The following MATK variants were observed in gnomAD, a reference collection of about 807,000 sequenced individuals.
MATK encodes the protein megakaryocyte-associated tyrosine kinase, also known as megakaryocyte-associated tyrosine-protein kinase.
In MATK, 41 loss-of-function variants were observed where a neutral mutation model predicts 59.8. That is an observed-to-expected ratio of 0.69 (90% confidence interval 0.53 to 0.89). The LOEUF is 0.89. MATK is among the 40% of genes least tolerant of loss of function. The pLI is 0.00. For missense variants in MATK, 593 were observed against 719.6 expected, an observed-to-expected ratio of 0.82 and a Z score of 2.01; for synonymous variants, 308 against 306.1, an observed-to-expected ratio of 1.01 and a Z score of -0.06.
intron 5 of MATK, 25 bp downstream of exon 5, chr19:3,784,099 C>T: frequency 1.3e-6 from 2 of 1,594,716 alleles, no homozygotes; most frequent in South Asian, 1.1e-5. Flanking sequence ...GTCCCCTACC[C>T]CAGGCCCCTG....
chr19:3,779,290 TG>T, intron 11 of MATK, 87 bp downstream of exon 11: 1 of 1,570,150 alleles, frequency 6.4e-7, no homozygotes, highest in African/African-American at 1.3e-5. Flanking sequence ...AAAGCCTCCC[TG>T]CCCCGTGCCT....
upstream of MATK, chr19:3,789,247 AC>A (rs768495203): frequency 3.6e-5 from 28 of 769,884 alleles, no homozygotes; most frequent in Non-Finnish European, 6.1e-5. Flanking sequence ...GCAGCGGAAA[AC>A]CCAGCCGCCT....
upstream of MATK, among the ~76,000 whole-genome samples, chr19:3,791,267 A>G (rs541214477): frequency 2.5e-4 from 38 of 151,764 alleles, no homozygotes; most frequent in African/African-American, 9.2e-4. Context: ...CCTGCCTTCC[A>G]TTCCCTGAGT....
rs775241091 is a variant in MATK at position 3,783,871 on chromosome 19, G to C, written c.525C>G (p.Asp175Glu). ...CGGCCTCATCGATTGTGAGGTGGCC[G>C]TCGCGGTGCAGCACGCGGTAGTGGA... ...DVIHYRVLHR[D>E]GHLTIDEAVF... Residue 175 changes from aspartate (D) to glutamate (E), a missense_variant, in exon 6 of 14, where the codon GAC becomes GAG. Coordinates refer to ENST00000310132, the MANE Select transcript of MATK (RefSeq NM_139355.3). 7 of 1,613,180 alleles carry C rather than the reference G, an allele frequency of 4.3e-6. No homozygotes were observed. Among genetic ancestry groups the C allele is most frequent in the Non-Finnish European group, 5.9e-6 (7 of 1,179,858 alleles).
intron 1 of MATK, among the ~76,000 whole-genome samples, chr19:3,796,831 G>A (rs750950243): frequency 1.3e-5 from 2 of 152,180 alleles, no homozygotes; most frequent in Admixed American, 1.3e-4. Flanking sequence ...GGTAATTAGA[G>A]GTTTGGCTGA....
At chr19:3,781,753 G>A (rs1233888490) in intron 7 of MATK, 81 bp from the exon 8 acceptor site, 1 of 1,096,102 alleles carries the variant, frequency 9.1e-7, no homozygotes, top group African/African-American at 1.5e-5. Context: ...GAGAGACTAG[G>A]TGATGTCTCT....
In MATK at chr19:3,786,199, C is replaced by T. The variant is rs1344368656; in HGVS notation, c.-182G>A. 1.0e-6 allele frequency: 1 copy of T among 983,612 alleles called. No individual in the cohort carries two copies. The highest frequency in any genetic ancestry group is 1.2e-6 in the Non-Finnish European group (1 of 828,536). The allele number at this position is 983,612 out of a possible 1,614,324, so 60.9% of individuals were successfully genotyped here. ...CAGGGGGCGCCCCCGAGCCGCGCCC[C>T]GCGCCCGCCCCCAGGAGGGCCTCCG... On this transcript the variant is annotated 5_prime_UTR_variant, in exon 1 of 14. Coordinates refer to ENST00000310132, the MANE Select transcript of MATK (RefSeq NM_139355.3). This position sits in a 1 kb window ranked among gnomAD's most constrained non-coding sequence, Gnocchi z 4.1.
intron 6 of MATK, 101 bp downstream of exon 6, chr19:3,783,713 G>A: frequency 9.4e-7 from 1 of 1,060,362 alleles, no homozygotes; most frequent in Non-Finnish European, 1.4e-6. Flanking sequence ...GGAAGGGATG[G>A]AGGTCAGGTG....
chr19:3,781,748 A>G (rs2037405112), intron 7 of MATK, 76 bp from the exon 8 acceptor site: 3 of 1,166,762 alleles, frequency 2.6e-6, no homozygotes, highest in Non-Finnish European at 3.8e-6. Context: ...TTGGTGAGAG[A>G]CTAGGTGATG....
chr19:3,790,831 G>A (rs35920240), upstream of MATK, among the ~76,000 whole-genome samples: 11,290 of 152,122 alleles, frequency 0.074, 715 homozygotes, highest in East Asian at 0.21. Flanking sequence ...CCCTGAAAGG[G>A]CCCCTTGCTA....
Position 3,783,829 on chromosome 19 carries a change from G to C in MATK, c.567C>G (p.Leu189=), listed in dbSNP as rs556667293. Residue 189 remains leucine (L), a synonymous_variant, in exon 6 of 14, where the codon CTC becomes CTG. Coordinates refer to ENST00000310132, the MANE Select transcript of MATK (RefSeq NM_139355.3). ...TIDEAVFFCN[L]MDMVEHYSKD... ...GTGGCAGCACCTCCACCATGTCCAT[G>C]AGGTTGCAGAAGAACACGGCCTCAT... is the stretch of plus-strand genomic sequence containing the variant. 6.2e-7 allele frequency: 1 copy of C among 1,612,068 alleles called. No homozygotes were observed.
intron 1 of MATK, chr19:3,793,358 G>C (rs1036546197): frequency 6.6e-6 from 1 of 152,266 alleles, no homozygotes; most frequent in South Asian, 2.1e-4. Flanking sequence ...CTGAGGTCAG[G>C]AGTTCGAGAC....
intron 1 of MATK, among the ~76,000 whole-genome samples, chr19:3,793,634 A>G (rs957428010): frequency 6.6e-6 from 1 of 151,576 alleles, no homozygotes; most frequent in South Asian, 2.1e-4. Flanking sequence ...CCCGGGAGGC[A>G]GAGCTTGCAC....
chr19:3,793,368 C>T (rs2037561406), intron 1 of MATK: 1 of 151,656 alleles, frequency 6.6e-6, no homozygotes, highest in Non-Finnish European at 1.5e-5. Context: ...GAGTTCGAGA[C>T]CAGTCTGACC....
intron 1 of MATK, among the ~76,000 whole-genome samples, chr19:3,800,907 C>T (rs962383592): frequency 3.3e-5 from 5 of 152,130 alleles, no homozygotes; most frequent in Admixed American, 6.6e-5. Context: ...GTCATCCACG[C>T]TGGAGTGCAG....
At position 3,779,419 on chromosome 19, in the gene MATK, A is replaced by G. The variant is rs747564294; in HGVS notation, c.960T>C (p.Gly320=). 4.9e-5 allele frequency: 79 copies of G among 1,612,984 alleles called. 1 individual carries two copies. The highest frequency in any genetic ancestry group is 5.3e-5 in the Non-Finnish European group (62 of 1,179,968). ...GCTGAGCGGTGTTCACGAGGGCTCG[A>G]CCCCGGGTCCGCAGAAAGTTCACCA... The part of the protein sequence containing the change: ...GNLVNFLRTR[G]RALVNTAQLL... Residue 320 remains glycine, a synonymous_variant, in exon 11 of 14, where the codon GGT becomes GGC. Transcript: ENST00000310132.
chr19:3,790,296 A>C (rs1306631027), upstream of MATK, among the ~76,000 whole-genome samples: 3 of 152,124 alleles, frequency 2.0e-5, no homozygotes, highest in Non-Finnish European at 2.9e-5. Flanking sequence ...AGATTCCCCC[A>C]GTCCTGAACT....
intron 1 of MATK, 118 bp from the exon 2 acceptor site, chr19:3,785,404 C>T (rs2037467908): frequency 2.0e-5 from 12 of 609,968 alleles, no homozygotes; most frequent in Admixed American, 3.1e-5. Context: ...CTGCTGGGCT[C>T]CTCCGGCCAC....
chr19:3,785,067 G>A lies in MATK; in HGVS notation c.69C>T (p.Pro23=), dbSNP rs1029667962. 6.2e-7 allele frequency: 1 copy of A among 1,614,026 alleles called. No individual in the cohort carries two copies. Residue 23 remains proline, a synonymous_variant, in exon 2 of 14, where the codon CCC becomes CCT. Coordinates refer to ENST00000310132, the MANE Select transcript of MATK (RefSeq NM_139355.3). ...FHGCDSAEEL[P]RVSPRFLRAW... ...CCTGTGGGGAAGTGATCTTTACCCG[G>A]GGAAGTTCCTCAGCAGAATCACAGC...
Sources: allele counts gnomAD v4.1 joint callset (sites outside exome capture counted in the v4.1 genomes callset), GRCh38; gene constraint gnomAD v4.1.1; non-coding constraint Gnocchi (gnomAD v3.1); transcripts MANE v1.5; gene names NCBI Gene and HGNC (gene_info 2026-07-23, HGNC 2026-07-21).